FGF13: variants seen among roughly 807,000 people sequenced by gnomAD.
The protein encoded by FGF13 is fibroblast growth factor homologous factor 2.
FGF13 carries 2 observed loss-of-function variants against 19.5 expected under a neutral mutation model. The ratio of observed to expected loss-of-function variants is 0.10; its 90% CI spans 0.04 to 0.32. FGF13 has a LOEUF of 0.32. Among genes scored for constraint, FGF13 ranks in the 10% least tolerant of loss-of-function variants. The probability of loss-of-function intolerance (pLI) is 1.00; values close to 1 mark genes in which losing one functional copy is unlikely to be tolerated. For missense variants in FGF13, 113 were observed against 192.7 expected, an observed-to-expected ratio of 0.59 and a Z score of 2.45; for synonymous variants, 72 against 76.9, an observed-to-expected ratio of 0.94 and a Z score of 0.33.
intron 3 of FGF13, among the ~76,000 whole-genome samples, chrX:138,818,727 T>TA (rs2124058585): frequency 9.0e-6 from 1 of 111,374 alleles, no homozygotes; most frequent in South Asian, 3.8e-4. Context: ...AAAGATTTGG[T>TA]AAAAAAGAAT....
intron 1 of FGF13, among the ~76,000 whole-genome samples, chrX:138,886,755 T>C (rs946550381): frequency 5.4e-5 from 6 of 111,926 alleles, no homozygotes; most frequent in East Asian, 5.6e-4. Context: ...AGTATAAGCG[T>C]TGTGTTTCAT....
chrX:139,189,288 T>C (rs1416283839), intron 1 of FGF13, among the ~76,000 whole-genome samples: 3 of 111,214 alleles, frequency 2.7e-5, no homozygotes, highest in Admixed American at 9.6e-5. Context: ...AGAAAATAAA[T>C]TGAGTATTTT....
At chrX:138,721,985 C>T (rs1403991126) in intron 1 of FGF13, among the ~76,000 whole-genome samples, 1 of 111,117 alleles carries the variant, frequency 9.0e-6, no homozygotes, top group Non-Finnish European at 1.9e-5. Flanking sequence ...TTCATATTGC[C>T]TTATTTCTGG....
chrX:139,096,382 G>A (rs1008196049), intron 1 of FGF13, among the ~76,000 whole-genome samples: 3 of 111,582 alleles, frequency 2.7e-5, no homozygotes, highest in Admixed American at 9.5e-5. Flanking sequence ...ATAGGAAAGG[G>A]TGGTCAAAAT....
At chrX:139,007,636 A>T (rs1196442987) in intron 1 of FGF13, among the ~76,000 whole-genome samples, 1 of 112,608 alleles carries the variant, frequency 8.9e-6, no homozygotes, top group Non-Finnish European at 1.9e-5. Context: ...AATTGAAATA[A>T]TATCAAGCAT....
At chrX:138,824,337 T>A (rs1168846888) in intron 3 of FGF13, among the ~76,000 whole-genome samples, 1 of 110,915 alleles carries the variant, frequency 9.0e-6, no homozygotes, top group Non-Finnish European at 1.9e-5. Flanking sequence ...GTTGCAGAGG[T>A]TTAGGACATC....
In FGF13 at chrX:138,631,915, C is replaced by CA. The variant is rs1364881552; in HGVS notation, c.*934dup. On this transcript the variant is annotated 3_prime_UTR_variant, in exon 5 of 5. Coordinates refer to ENST00000315930, the MANE Select transcript of FGF13 (RefSeq NM_004114.5). ...GTACACAATATTCATGTGCCAAATA[C>CA]AATGACAGGAAGACTCATACATATA... 1.8e-5 allele frequency: 2 copies of CA among 111,887 alleles called. No individual in the cohort carries two copies. The highest frequency in any genetic ancestry group is 6.5e-5 in the African/African-American group (2 of 30,737). 9.2% of individuals were successfully genotyped at this position (111,887 alleles called of 1,213,427 possible).
At chrX:138,983,228 G>A (rs779776927) in intron 1 of FGF13, among the ~76,000 whole-genome samples, 10 of 109,240 alleles carry the variant, frequency 9.2e-5, no homozygotes, top group African/African-American at 1.3e-4. Context: ...TATCTTCTGG[G>A]AGTTTTACAG....
At chrX:138,785,604 A>T (rs1190101286) in intron 3 of FGF13, among the ~76,000 whole-genome samples, 2 of 111,800 alleles carry the variant, frequency 1.8e-5, no homozygotes, top group East Asian at 2.8e-4. Context: ...CCAATCTTTT[A>T]AAAAAATCTG....
intron 1 of FGF13, among the ~76,000 whole-genome samples, chrX:138,984,443 T>G (rs1225332896): frequency 5.9e-4 from 42 of 70,629 alleles, no homozygotes; most frequent in African/African-American, 2.1e-3. Flanking sequence ...AGAAGAAGAA[T>G]AAGGAGGAGA....
At chrX:138,840,906 A>G (rs1308360532) in intron 3 of FGF13, among the ~76,000 whole-genome samples, 1 of 111,256 alleles carries the variant, frequency 9.0e-6, no homozygotes, top group Admixed American at 9.6e-5. Context: ...TAGGTTCATG[A>G]AAGCATTAGG....
intron 3 of FGF13, among the ~76,000 whole-genome samples, chrX:138,801,981 A>G (rs775569598): frequency 6.2e-5 from 7 of 112,410 alleles, no homozygotes; most frequent in Non-Finnish European, 1.3e-4. Flanking sequence ...CGCTGGCAGC[A>G]GGAATTTCAA....
chrX:138,961,100 T>C (rs2091867656), intron 1 of FGF13, among the ~76,000 whole-genome samples: 3 of 111,280 alleles, frequency 2.7e-5, no homozygotes, highest in South Asian at 7.9e-4. Flanking sequence ...GCTCGGTTTT[T>C]AGAATTTTCA....
chrX:139,068,614 A>C (rs1176700891), intron 1 of FGF13, among the ~76,000 whole-genome samples: 3 of 110,050 alleles, frequency 2.7e-5, no homozygotes, highest in Admixed American at 9.7e-5. Context: ...CTTCCTACCC[A>C]TGAGCATGGA....
intron 3 of FGF13, among the ~76,000 whole-genome samples, chrX:138,791,250 T>C (rs772017544): frequency 1.8e-5 from 2 of 112,153 alleles, no homozygotes; most frequent in African/African-American, 3.2e-5. Context: ...TAGGGCACTA[T>C]GGCATCCTCA....
chrX:139,091,175 C>G (rs1460197261), intron 1 of FGF13, among the ~76,000 whole-genome samples: 1 of 110,565 alleles, frequency 9.0e-6, no homozygotes, highest in African/African-American at 3.3e-5. Flanking sequence ...ACAAACCCTT[C>G]CTGGAAACTT....
intron 3 of FGF13, among the ~76,000 whole-genome samples, chrX:138,799,048 T>C (rs1043395963): frequency 8.9e-6 from 1 of 112,005 alleles, no homozygotes; most frequent in Non-Finnish European, 1.9e-5. Flanking sequence ...GTTTTTTGTG[T>C]CTCTATCTCC....
At chrX:138,981,576 G>C (rs752810388) in intron 1 of FGF13, among the ~76,000 whole-genome samples, 6 of 110,991 alleles carry the variant, frequency 5.4e-5, no homozygotes, top group African/African-American at 2.0e-4. Flanking sequence ...CCCACACAGC[G>C]TTCCAGAAAA....
At chrX:138,686,076 G>A (rs894074603) in intron 3 of FGF13, among the ~76,000 whole-genome samples, 7 of 110,903 alleles carry the variant, frequency 6.3e-5, no homozygotes, top group East Asian at 2.8e-4. Context: ...ATAATATTAC[G>A]TTTTAACATC....
Sources: gnomAD v4.1 joint callset for allele counts (sites outside exome capture counted in the v4.1 genomes callset) on GRCh38, gnomAD v4.1.1 for gene constraint, MANE v1.5 for transcripts, NCBI Gene and HGNC (gene_info 2026-07-23, HGNC 2026-07-21) for gene names.